CC2D2A: variants seen among roughly 807,000 people sequenced by gnomAD.
CC2D2A encodes the protein coiled-coil and C2 domain containing 2A, also known as coiled-coil and C2 domain-containing protein 2A.
A neutral mutation model predicts 212.9 loss-of-function variants in CC2D2A; 155 were observed. That is an observed-to-expected ratio of 0.73 (90% CI 0.64 to 0.83). CC2D2A has a LOEUF of 0.83. CC2D2A is among the 40% of genes least tolerant of loss of function. CC2D2A has a pLI of 0.00. For synonymous variants in CC2D2A, 667 were observed against 686.5 expected (o/e 0.97, Z 0.44); for missense variants, 1,856 against 1,956.2 (o/e 0.95, Z 0.97).
chr4:15,500,921 C>G (rs948546565), intron 4 of CC2D2A, among the ~76,000 whole-genome samples: 4 of 152,136 alleles, frequency 2.6e-5, no homozygotes, highest in Non-Finnish European at 5.9e-5. Context: ...CTTTACTGTT[C>G]AGTCTGGCCC....
chr4:15,583,880 G>A (rs1028272881), intron 30 of CC2D2A, among the ~76,000 whole-genome samples: 6 of 151,852 alleles, frequency 4.0e-5, no homozygotes, highest in African/African-American at 4.8e-5. Context: ...GAACCTGGGA[G>A]GTGGAGCTTG....
chr4:15,587,529 A>G (rs1324717081), intron 31 of CC2D2A, among the ~76,000 whole-genome samples: 1 of 152,244 alleles, frequency 6.6e-6, no homozygotes, highest in Non-Finnish European at 1.5e-5. Context: ...CTATATATAC[A>G]TTAAAAATAA....
chr4:15,527,761 A>G, intron 12 of CC2D2A, 105 bp downstream of exon 12: 2 of 816,804 alleles, frequency 2.4e-6, no homozygotes, highest in South Asian at 1.8e-5. Flanking sequence ...CCTCTTTCAC[A>G]TGTTTCCTCG....
intron 18 of CC2D2A, 125 bp downstream of exon 18, chr4:15,551,105 C>A: frequency 1.1e-6 from 1 of 900,648 alleles, no homozygotes; most frequent in Non-Finnish European, 1.5e-6. Flanking sequence ...CAAATTCAAA[C>A]AATGATGCTA....
At chr4:15,541,436 G>C (rs549715249) in intron 17 of CC2D2A, among the ~76,000 whole-genome samples, 3 of 152,210 alleles carry the variant, frequency 2.0e-5, no homozygotes, top group South Asian at 2.1e-4. Context: ...TGTCTCGATA[G>C]AGTCTCAAGC....
chr4:15,598,309 T>C (rs1721409179), intron 35 of CC2D2A, among the ~76,000 whole-genome samples: 1 of 152,200 alleles, frequency 6.6e-6, no homozygotes, highest in South Asian at 2.1e-4. Flanking sequence ...ATGATCCCTA[T>C]GACTACTGAA....
Position 15,574,240 on chromosome 4 carries a change from G to A in CC2D2A, c.3685G>A (p.Val1229Ile). Reference protein sequence around the residue: ...NMILERGFDSVRSLSEGSYIT... With the variant: ...NMILERGFDSIRSLSEGSYIT... ...GATTCTTGAGCGGGGTTTTGATTCT[G>A]TCCGAAGCTTAAGTGAAGGCTCCTA... The change falls in exon 29 of 37, where the codon GTC (valine) becomes ATC (isoleucine). Residue 1229 changes from valine (V) to isoleucine (I), a missense_variant. Val to Ile is a conservative substitution (Grantham distance 29). Coordinates refer to ENST00000424120, the MANE Select transcript of CC2D2A (RefSeq NM_001378615.1). 1 of 1,551,564 alleles carries A rather than the reference G, an allele frequency of 6.4e-7. No homozygotes were observed. The highest frequency in any genetic ancestry group is 1.2e-5 in the South Asian group (1 of 84,060).
chr4:15,529,837 T>G (rs1237435898), intron 13 of CC2D2A, among the ~76,000 whole-genome samples: 2 of 148,386 alleles, frequency 1.3e-5, no homozygotes, highest in African/African-American at 4.9e-5. Flanking sequence ...TTAAGGTATA[T>G]CTCTCCATTT....
At chr4:15,572,738 C>A (rs1023593354) in intron 28 of CC2D2A, among the ~76,000 whole-genome samples, 1 of 151,978 alleles carries the variant, frequency 6.6e-6, no homozygotes, top group African/African-American at 2.4e-5. Context: ...CACACGATCA[C>A]AAGGTGAAGT....
At chr4:15,482,211 G>A in intron 4 of CC2D2A, 1 of 985,282 alleles carries the variant, frequency 1.0e-6, no homozygotes, top group Non-Finnish European at 1.2e-6. Context: ...TAATCTAAAA[G>A]CAATGATACA....
intron 14 of CC2D2A, among the ~76,000 whole-genome samples, chr4:15,536,039 G>T (rs1230824875): frequency 6.6e-6 from 1 of 152,132 alleles, no homozygotes. Context: ...TTTCCTGGTG[G>T]TACATCTCAC....
At chr4:15,565,277 G>A (rs1180849224) in intron 24 of CC2D2A, among the ~76,000 whole-genome samples, 1 of 152,110 alleles carries the variant, frequency 6.6e-6, no homozygotes. Context: ...TAAATTAAGG[G>A]AGCATAGTTG....
intron 29 of CC2D2A, among the ~76,000 whole-genome samples, chr4:15,578,765 A>G (rs1720515653): frequency 6.6e-6 from 1 of 151,770 alleles, no homozygotes; most frequent in Admixed American, 6.6e-5. Flanking sequence ...AGCTGGGACT[A>G]CAAGCACGCA....
chr4:15,500,103 G>A (rs371894052), intron 4 of CC2D2A, among the ~76,000 whole-genome samples: 11,366 of 66,160 alleles, frequency 0.17, 683 homozygotes, highest in Non-Finnish European at 0.2. Flanking sequence ...GTGTGTGTGT[G>A]TGTGTATATA....
At chr4:15,574,107 G>T in intron 28 of CC2D2A, 43 bp from the exon 29 acceptor site, 1 of 1,465,222 alleles carries the variant, frequency 6.8e-7, no homozygotes, top group Non-Finnish European at 9.2e-7. Flanking sequence ...ACTTCTGTTG[G>T]AAAAAGCATC....
At chr4:15,562,290 C>T (rs1054352872) in intron 23 of CC2D2A, among the ~76,000 whole-genome samples, 2 of 152,224 alleles carry the variant, frequency 1.3e-5, no homozygotes, top group African/African-American at 4.8e-5. Flanking sequence ...TGCATTATAG[C>T]CTGTGGCCAG....
At chr4:15,472,888 T>C (rs561647810) in intron 1 of CC2D2A, among the ~76,000 whole-genome samples, 5 of 152,332 alleles carry the variant, frequency 3.3e-5, no homozygotes, top group African/African-American at 1.2e-4. Flanking sequence ...AATTCCCCTG[T>C]AGGGTCAGTG....
At chr4:15,470,146 C>T (rs1031335874) in intron 1 of CC2D2A, 89 bp downstream of exon 1, 1 of 152,164 alleles carries the variant, frequency 6.6e-6, no homozygotes, top group Non-Finnish European at 1.5e-5. Context: ...TCCAGGATAC[C>T]GTGAGACTGG....
chr4:15,531,242 G>C (rs1717831838), intron 13 of CC2D2A, among the ~76,000 whole-genome samples: 1 of 152,096 alleles, frequency 6.6e-6, no homozygotes. Context: ...CTCCACCTGG[G>C]AAAGTGGAAT....
Sources: gnomAD v4.1 joint callset for allele counts (sites outside exome capture counted in the v4.1 genomes callset) on GRCh38, gnomAD v4.1.1 for gene constraint, MANE v1.5 for transcripts, NCBI Gene and HGNC (gene_info 2026-07-23, HGNC 2026-07-21) for gene names.